COL22A1: variants seen among roughly 807,000 people sequenced by gnomAD.
COL22A1 encodes collagen alpha-1(XXII) chain.
A neutral mutation model predicts 248.9 loss-of-function variants in COL22A1; 221 were observed. The ratio of observed to expected loss-of-function variants is 0.89; its 90% CI spans 0.80 to 0.99. The LOEUF (loss-of-function observed/expected upper bound fraction) is 0.99. COL22A1 is among the 50% of genes least tolerant of loss of function. The pLI, the probability that COL22A1 is intolerant of heterozygous loss-of-function variation, is 0.00. For missense variants in COL22A1, 2,240 were observed against 2,179.0 expected, an observed-to-expected ratio of 1.03 and a Z score of -0.56; for synonymous variants, 891 against 793.4, an observed-to-expected ratio of 1.12 and a Z score of -2.07.
chr8:138,820,689 T>A lies in COL22A1; in HGVS notation c.1245+447A>T, dbSNP rs1312313000. Reference sequence around the variant, plus strand: ...TTTAAATTTATCAGAAACTATTATATACCTATCCACCTACCTGCATATATA... The same window carrying A: ...TTTAAATTTATCAGAAACTATTATAAACCTATCCACCTACCTGCATATATA... On this transcript the variant is annotated intron_variant, in intron 7 of 64. Coordinates refer to ENST00000303045, the MANE Select transcript of COL22A1 (RefSeq NM_152888.3). Among the ~76,000 whole-genome samples, 3 of 152,138 alleles carry A rather than the reference T, an allele frequency of 2.0e-5. No individual in the cohort carries two copies. In the East Asian group the frequency reaches 5.8e-4, roughly 29 times the overall value.
intron 35 of COL22A1, among the ~76,000 whole-genome samples, chr8:138,692,345 T>C (rs1190290945): frequency 1.1e-5 from 1 of 92,394 alleles, no homozygotes; most frequent in Non-Finnish European, 2.3e-5. Flanking sequence ...TGGATGTGTG[T>C]ATGTGTGCAC....
intron 32 of COL22A1, among the ~76,000 whole-genome samples, chr8:138,699,200 C>A (rs1424266498): frequency 6.6e-6 from 1 of 152,168 alleles, no homozygotes; most frequent in Non-Finnish European, 1.5e-5. Context: ...CCCTAGGATG[C>A]CCCCATCTCC....
chr8:138,612,813 G>A (rs1405908793), intron 56 of COL22A1, among the ~76,000 whole-genome samples: 2 of 151,872 alleles, frequency 1.3e-5, no homozygotes, highest in Non-Finnish European at 2.9e-5. Flanking sequence ...GCACGCACCT[G>A]TAATCCCAGC....
intron 57 of COL22A1, 126 bp from the exon 58 acceptor site, chr8:138,606,578 T>C (rs780505934): frequency 3.2e-5 from 28 of 888,036 alleles, no homozygotes; most frequent in Middle Eastern, 2.2e-4. Context: ...AATCCTCCCA[T>C]GATGGAGGGG....
At chr8:138,788,072 T>C (rs1015472589) in intron 12 of COL22A1, among the ~76,000 whole-genome samples, 5 of 152,248 alleles carry the variant, frequency 3.3e-5, no homozygotes, top group Admixed American at 3.3e-4. Flanking sequence ...GGCCCTTTAG[T>C]GGGGTCTTAG....
intron 27 of COL22A1, among the ~76,000 whole-genome samples, chr8:138,718,599 C>T (rs997099681): frequency 2.0e-5 from 3 of 152,204 alleles, no homozygotes; most frequent in Admixed American, 2.0e-4. Flanking sequence ...CCATCCATGA[C>T]TTAGTCATCA....
At chr8:138,756,401 C>T (rs1009235047) in intron 18 of COL22A1, among the ~76,000 whole-genome samples, 2 of 152,166 alleles carry the variant, frequency 1.3e-5, no homozygotes, top group African/African-American at 4.8e-5. Context: ...GCTATGACGG[C>T]TGTGGCCTGA....
intron 30 of COL22A1, among the ~76,000 whole-genome samples, chr8:138,707,174 C>A (rs1011888886): frequency 6.6e-6 from 1 of 152,142 alleles, no homozygotes; most frequent in South Asian, 2.1e-4. Flanking sequence ...CAGTCCAGGA[C>A]CAGATGCATT....
At chr8:138,812,744 A>T (rs190266236) in intron 8 of COL22A1, among the ~76,000 whole-genome samples, 195 bp downstream of exon 8, 1 of 152,276 alleles carries the variant, frequency 6.6e-6, no homozygotes, top group East Asian at 1.9e-4. Flanking sequence ...ACTAAGGTAC[A>T]GACCACAGTA....
chr8:138,728,526 C>T (rs1023615883), intron 23 of COL22A1, among the ~76,000 whole-genome samples: 1 of 152,078 alleles, frequency 6.6e-6, no homozygotes, highest in South Asian at 2.1e-4. Context: ...GCCCAGGAAG[C>T]CGGCCCCCTG....
At chr8:138,821,495 G>T in intron 6 of COL22A1, 84 bp from the exon 7 acceptor site, 1 of 1,378,398 alleles carries the variant, frequency 7.3e-7, no homozygotes, top group Non-Finnish European at 1.0e-6. Flanking sequence ...TTCAGAGTCA[G>T]ACCTGGCAAT....
intron 41 of COL22A1, among the ~76,000 whole-genome samples, chr8:138,668,796 C>T (rs1824744901): frequency 6.6e-6 from 1 of 152,188 alleles, no homozygotes; most frequent in African/African-American, 2.4e-5. Flanking sequence ...AGGAAAATCT[C>T]TGTTGTAATG....
rs35646900 is a variant in COL22A1 at position 138,718,121 on chromosome 8, CA to C, written c.2356-1253del. 3.0e-3 allele frequency among the ~76,000 whole-genome samples: 441 copies of C among 146,198 alleles called. 2 individuals carry two copies. The highest frequency in any genetic ancestry group is 0.011 in the African/African-American group (420 of 39,490). ...ACTACCAACTTATTGGAGAGAAAGACAAAAAAAAAAGAAGTAATTAAAAGTG... is the reference window on the plus strand; with the variant it reads ...ACTACCAACTTATTGGAGAGAAAGACAAAAAAAAAGAAGTAATTAAAAGTG... On this transcript the variant is annotated intron_variant, in intron 27 of 64. Transcript: ENST00000303045.
chr8:138,844,547 G>A (rs9657461), intron 3 of COL22A1, among the ~76,000 whole-genome samples: 4,572 of 152,256 alleles, frequency 0.03, 204 homozygotes, highest in African/African-American at 0.1. Flanking sequence ...ATCTAACGCA[G>A]GAGGACAGAG....
chr8:138,779,617 A>G, intron 13 of COL22A1, 55 bp from the exon 14 acceptor site: 1 of 1,241,476 alleles, frequency 8.1e-7, no homozygotes, highest in Non-Finnish European at 1.2e-6. Context: ...GCCCAGGTAC[A>G]CCAGAGAAGC....
At chr8:138,863,488 GGCC>G (rs1414503163) in intron 3 of COL22A1, among the ~76,000 whole-genome samples, 1 of 152,092 alleles carries the variant, frequency 6.6e-6, no homozygotes, top group African/African-American at 2.4e-5. Flanking sequence ...TGGTGTTGGG[GGCC>G]TAGGGGTACA....
At chr8:138,779,613 G>A (rs1563753275) in intron 13 of COL22A1, 51 bp from the exon 14 acceptor site, 11 of 1,283,652 alleles carry the variant, frequency 8.6e-6, no homozygotes, top group Non-Finnish European at 1.3e-5. Flanking sequence ...ACAGGCCCAG[G>A]TACACCAGAG....
intron 30 of COL22A1, among the ~76,000 whole-genome samples, chr8:138,707,411 G>A (rs893865445): frequency 5.3e-5 from 8 of 152,016 alleles, no homozygotes; most frequent in South Asian, 2.1e-4. Flanking sequence ...AACCGAATCC[G>A]GCAGCACATC....
At position 138,591,450 on chromosome 8, in the gene COL22A1, C is replaced by T; in HGVS notation, c.4667G>A (p.Gly1556Asp). The change falls in exon 64 of 65, where the codon GGC becomes GAC. Residue 1556 changes from glycine (G) to aspartate (D), a missense_variant. Gly to Asp is a moderately conservative substitution (Grantham distance 94). Transcript: ENST00000303045. ...TGGGATTCCAGGGGGTCCCATCTCG[C>T]CTCGGAGGCCAACTCCAGGTGCACC... is the stretch of plus-strand genomic sequence containing the variant. ...DPGAPGVGLRGEMGPPGIPGQ... is the reference protein window; with the variant it reads ...DPGAPGVGLRDEMGPPGIPGQ... The T allele has an allele frequency of 3.2e-6, 5 of 1,582,484 alleles. No individual in the cohort carries two copies. The highest frequency in any genetic ancestry group is 3.4e-6 in the Non-Finnish European group (4 of 1,164,208).
Sources: allele counts gnomAD v4.1 joint callset (sites outside exome capture counted in the v4.1 genomes callset), GRCh38; gene constraint gnomAD v4.1.1; transcripts MANE v1.5; gene names NCBI Gene and HGNC (gene_info 2026-07-23, HGNC 2026-07-21).